The following CELF2 variants were observed in gnomAD, a reference collection of about 807,000 sequenced individuals.
CELF2 encodes the protein CUGBP Elav-like family member 2.
Under a neutral mutation model 62.6 loss-of-function variants are expected in CELF2, and 8 were observed. The ratio of observed to expected loss-of-function variants is 0.13; its 90% CI spans 0.07 to 0.23. The LOEUF is 0.23. Ranked by LOEUF, CELF2 falls within the 10% of genes least tolerant of loss-of-function variation. The pLI, the probability that CELF2 is intolerant of heterozygous loss-of-function variation, is 1.00. For missense variants in CELF2, 333 were observed against 671.0 expected, an observed-to-expected ratio of 0.50 and a Z score of 5.56; for synonymous variants, 258 against 250.0, an observed-to-expected ratio of 1.03 and a Z score of -0.30.
At chr10:10,572,165 C>G in the CELF2 span, among the ~76,000 whole-genome samples, 1 of 151,876 alleles carries the variant, frequency 6.6e-6, no homozygotes, top group Non-Finnish European at 1.5e-5. Flanking sequence ...TTTAAGAAGT[C>G]CCATTTGCAA....
rs181858425 is a variant in CELF2 at position 10,993,002 on chromosome 10, C to T, written c.89+73003C>T. 2.4e-3 allele frequency among the ~76,000 whole-genome samples: 362 copies of T among 152,280 alleles called. 2 individuals are homozygous for T. The highest frequency in any genetic ancestry group is 8.4e-3 in the African/African-American group (350 of 41,560). On this transcript the variant is annotated intron_variant, in intron 2 of 13. Coordinates refer to the CELF2 transcript ENST00000636488. This position sits in a 1 kb window ranked among gnomAD's most constrained non-coding sequence, Gnocchi z 5.3. ...ACTTATATATTCTTGTTGTCTCTGT[C>T]TCAGTAAGGTTCATTGACCTTGGTG...
rs921135400 is a variant in CELF2, at chr10:11,012,463, G to C, written c.53+7023G>C. Among the ~76,000 whole-genome samples the C allele has an allele frequency of 6.6e-6, 1 of 152,176 alleles. No individual in the cohort carries two copies. Among genetic ancestry groups the C allele is most frequent in the Non-Finnish European group, 1.5e-5 (1 of 68,034 alleles). ...GCCCAGAGAGATTCCCTCTGAAGTA[G>C]AGAATTTGATTCCTGCCAAGATCCG... On this transcript the variant is annotated intron_variant, in intron 1 of 12. Transcript: ENST00000416382. The surrounding 1 kb of genome is among the most constrained non-coding windows in gnomAD (Gnocchi z 5.5).
Position 11,207,896 on chromosome 10 carries a change from A to G in CELF2, c.272-9529A>G, listed in dbSNP as rs978207653. ...TGGAAGTCCCATTTTTAGGTGGGGA[A>G]AAAAGGGTTGTGTTAGGTGACTGTT... On this transcript the variant is annotated intron_variant, in intron 2 of 12. Transcript: ENST00000633077. This position sits in a 1 kb window ranked among gnomAD's most constrained non-coding sequence, Gnocchi z 4.1. 2.0e-5 allele frequency among the ~76,000 whole-genome samples: 3 copies of G among 152,202 alleles called. No individual in the cohort carries two copies. Among genetic ancestry groups the G allele is most frequent in the East Asian group, 1.9e-4 (1 of 5,194 alleles).
chr10:11,222,937 C>A (rs1321945109), intron 3 of CELF2, among the ~76,000 whole-genome samples: 1 of 152,182 alleles, frequency 6.6e-6, no homozygotes, highest in Non-Finnish European at 1.5e-5. Context: ...CATAAACATA[C>A]CTTCCACACG....
intron 1 of CELF2, among the ~76,000 whole-genome samples, chr10:11,120,694 G>C (rs1477491706): frequency 2.6e-5 from 4 of 152,170 alleles, no homozygotes; most frequent in East Asian, 1.9e-4. Context: ...GCTGCATCTA[G>C]GGAGTGCTTA....
At position 11,293,133 on chromosome 10, in the gene CELF2, C is replaced by T. The variant is rs536883303; in HGVS notation, c.976+4581C>T. Among the ~76,000 whole-genome samples the T allele has an allele frequency of 3.2e-4, 48 of 152,342 alleles. No homozygotes were observed. In the East Asian group the frequency reaches 8.9e-3, roughly 28 times the overall value. On this transcript the variant is annotated intron_variant, in intron 9 of 12. Transcript: ENST00000633077. The stretch of plus-strand genomic sequence containing the variant: ...CCAGATCAGGCCACCCCCCGTAGCC[C>T]AGCCACGCCGTCGGCCTTTACGCCA...
intron 5 of CELF2, 147 bp downstream of exon 5, chr10:11,258,019 C>A: frequency 1.1e-6 from 1 of 887,570 alleles, no homozygotes; most frequent in Non-Finnish European, 1.7e-6. Context: ...GAACTTTTCA[C>A]CATAGCTGAA....
At chr10:10,663,554 G>A in the CELF2 span, among the ~76,000 whole-genome samples, 3 of 152,186 alleles carry the variant, frequency 2.0e-5, no homozygotes, top group African/African-American at 7.2e-5. Context: ...GTGAAAACAG[G>A]AAGAAATACT....
At chr10:10,608,053 A>T in the CELF2 span, among the ~76,000 whole-genome samples, 1 of 152,166 alleles carries the variant, frequency 6.6e-6, no homozygotes, top group Admixed American at 6.6e-5. Context: ...ACTTGAACCC[A>T]GGAGGTGGAG....
At chr10:10,941,766 G>C (rs1179327419) in intron 2 of CELF2, among the ~76,000 whole-genome samples, 2 of 152,184 alleles carry the variant, frequency 1.3e-5, no homozygotes, top group East Asian at 1.9e-4. Flanking sequence ...GACTGAGGTG[G>C]TTGGATCATT....
At chr10:11,092,624 A>T (rs2048635384) in intron 1 of CELF2, among the ~76,000 whole-genome samples, 1 of 152,252 alleles carries the variant, frequency 6.6e-6, no homozygotes. Flanking sequence ...AGGAGACTTA[A>T]CAAGGCTTGT....
chr10:10,464,819 A>G, the CELF2 span, among the ~76,000 whole-genome samples: 7 of 152,284 alleles, frequency 4.6e-5, no homozygotes, highest in South Asian at 1.2e-3. Flanking sequence ...AATAACACTG[A>G]AATTATGTTA....
the CELF2 span, among the ~76,000 whole-genome samples, chr10:10,594,588 G>A: frequency 6.6e-6 from 1 of 152,100 alleles, no homozygotes; most frequent in Non-Finnish European, 1.5e-5. Context: ...ATTCAAGACT[G>A]ATCCACACAA....
chr10:11,060,801 C>A (rs1291838), intron 1 of CELF2, among the ~76,000 whole-genome samples: 8,773 of 152,238 alleles, frequency 0.058, 421 homozygotes, highest in African/African-American at 0.13. Flanking sequence ...ATAACTGTTA[C>A]AGTGATCTGT....
the CELF2 span, among the ~76,000 whole-genome samples, chr10:10,734,620 C>G: frequency 6.6e-6 from 1 of 152,120 alleles, no homozygotes; most frequent in African/African-American, 2.4e-5. Context: ...CTTCCCTAGG[C>G]TAGAACCCAA....
intron 2 of CELF2, among the ~76,000 whole-genome samples, chr10:10,932,081 G>A (rs1462142379): frequency 2.0e-5 from 3 of 152,060 alleles, no homozygotes; most frequent in Admixed American, 6.6e-5. Flanking sequence ...TCTGGGTGGG[G>A]ACACAGCCAG....
the CELF2 span, among the ~76,000 whole-genome samples, chr10:10,539,285 C>T: frequency 6.6e-6 from 1 of 152,152 alleles, no homozygotes; most frequent in African/African-American, 2.4e-5. Flanking sequence ...TAATTTAGGT[C>T]GGAGGACTTA....
chr10:11,165,363 G>A lies in CELF2; in HGVS notation c.75-123G>A. ...TTCATCAAATTTCTACGACTCATTA[G>A]GCACTTTGCCACTGCTCTTCTTCCT... On this transcript the variant is annotated intron_variant, in intron 1 of 12. Transcript: ENST00000633077. The surrounding 1 kb of genome is among the most constrained non-coding windows in gnomAD (Gnocchi z 7.4). The A allele has an allele frequency of 1.3e-6, 2 of 1,504,366 alleles. No individual in the cohort carries two copies. Among genetic ancestry groups the A allele is most frequent in the Non-Finnish European group, 1.8e-6 (2 of 1,131,346 alleles). 93.2% of individuals were successfully genotyped at this position (1,504,366 alleles called of 1,614,324 possible). A position where few individuals can be genotyped will look rare whatever the true frequency, so the allele number is the denominator to read the frequency against.
At chr10:11,130,094 A>G (rs1423424101) in intron 1 of CELF2, among the ~76,000 whole-genome samples, 1 of 152,156 alleles carries the variant, frequency 6.6e-6, no homozygotes, top group Non-Finnish European at 1.5e-5. Flanking sequence ...ATTGGTTTCA[A>G]ATAACATCTT....
Sources: gnomAD v4.1 joint callset for allele counts (sites outside exome capture counted in the v4.1 genomes callset) on GRCh38, gnomAD v4.1.1 for gene constraint, Gnocchi (gnomAD v3.1) non-coding constraint, MANE v1.5 for transcripts, NCBI Gene and HGNC (gene_info 2026-07-23, HGNC 2026-07-21) for gene names.